The following CDH13 variants were observed in gnomAD, a reference collection of about 807,000 sequenced individuals.
CDH13 encodes cadherin-13.
In CDH13, 24 loss-of-function variants were observed where a neutral mutation model predicts 63.8. The observed-to-expected ratio is 0.38, with a 90% confidence interval of 0.27 to 0.53. The LOEUF (loss-of-function observed/expected upper bound fraction) is 0.53. Ranked by LOEUF, CDH13 falls within the 20% of genes least tolerant of loss-of-function variation. CDH13 has a pLI of 0.85. For synonymous variants in CDH13, 503 were observed against 355.3 expected (o/e 1.42, Z -4.67); for missense variants, 1,049 against 903.1 (o/e 1.16, Z -2.07).
intron 6 of CDH13, among the ~76,000 whole-genome samples, chr16:83,448,092 C>G (rs528076134): frequency 6.6e-6 from 1 of 152,168 alleles, no homozygotes; most frequent in East Asian, 1.9e-4. Context: ...TGGTCCCCAT[C>G]TTTTATTTTA....
intron 3 of CDH13, among the ~76,000 whole-genome samples, chr16:83,072,845 C>G (rs149792304): frequency 1.4e-3 from 214 of 152,268 alleles, no homozygotes; most frequent in African/African-American, 4.9e-3. Context: ...ACAAGATCCC[C>G]TACATTGGAG....
At chr16:83,441,394 C>G (rs750462728) in intron 6 of CDH13, among the ~76,000 whole-genome samples, 1 of 152,174 alleles carries the variant, frequency 6.6e-6, no homozygotes, top group Admixed American at 6.5e-5. Context: ...TAATCTATAT[C>G]TATGTTAAAT....
Position 83,353,669 on chromosome 16 carries a change from C to G in CDH13, c.781+8663C>G, listed in dbSNP as rs13380705. On this transcript the variant is annotated intron_variant, in intron 6 of 13. Transcript: ENST00000567109. The stretch of plus-strand genomic sequence containing the variant: ...GGAGATCAGCTCAAGAGATGGACAC[C>G]CCATTGTTTCCTGAAACACTCTCCT... Among the ~76,000 whole-genome samples, 424 of 152,322 alleles carry G rather than the reference C, an allele frequency of 2.8e-3. 1 individual carries two copies. Among genetic ancestry groups the G allele is most frequent in the African/African-American group, 9.5e-3 (396 of 41,564 alleles).
At chr16:82,787,944 C>T (rs191612028) in intron 1 of CDH13, among the ~76,000 whole-genome samples, 30 of 148,832 alleles carry the variant, frequency 2.0e-4, no homozygotes, top group Admixed American at 1.0e-3. Flanking sequence ...GCTGTACCTA[C>T]GATACAGTAA....
intron 6 of CDH13, among the ~76,000 whole-genome samples, chr16:83,409,550 G>C (rs1362645470): frequency 6.6e-6 from 1 of 152,228 alleles, no homozygotes; most frequent in Non-Finnish European, 1.5e-5. Flanking sequence ...TCAGACCTCT[G>C]TCAATACTGG....
chr16:83,543,058 A>G (rs2075322789), intron 7 of CDH13, among the ~76,000 whole-genome samples: 1 of 152,260 alleles, frequency 6.6e-6, no homozygotes, highest in Admixed American at 6.5e-5. Flanking sequence ...AAGTGCAAAG[A>G]CAACATTCCT....
intron 5 of CDH13, among the ~76,000 whole-genome samples, chr16:83,219,985 C>A (rs950667446): frequency 3.9e-5 from 6 of 152,136 alleles, no homozygotes; most frequent in Non-Finnish European, 7.3e-5. Context: ...GGGTCATATA[C>A]CCTCATTGGA....
rs1029235753 is a variant in CDH13, at chr16:83,748,032, T to C, written c.1539-76T>C. ...AGGATCCAGCACCTAGCCTAGGAGC[T>C]CATGCCCTGCACTCTGTAAATGTTT... is the stretch of plus-strand genomic sequence containing the variant. On this transcript the variant is annotated intron_variant, in intron 10 of 13. Transcript: ENST00000567109. 24 of 1,510,066 alleles carry C rather than the reference T, an allele frequency of 1.6e-5. No homozygotes were observed. In the Admixed American group the frequency reaches 2.8e-4, roughly 18 times the overall value. The allele number at this position is 1,510,066 out of a possible 1,614,324, so 93.5% of individuals were successfully genotyped here.
At chr16:82,796,521 A>G (rs1189375729) in intron 1 of CDH13, among the ~76,000 whole-genome samples, 1 of 152,240 alleles carries the variant, frequency 6.6e-6, no homozygotes, top group East Asian at 1.9e-4. Flanking sequence ...TTTACATTCT[A>G]AAGGGCACAG....
chr16:83,781,095 G>A (rs954149805), intron 12 of CDH13, among the ~76,000 whole-genome samples: 1 of 151,924 alleles, frequency 6.6e-6, no homozygotes, highest in Non-Finnish European at 1.5e-5. Flanking sequence ...CTTCTTCCAT[G>A]CATCTTCTTT....
chr16:83,087,164 A>C (rs532773383), intron 3 of CDH13, among the ~76,000 whole-genome samples: 1 of 152,342 alleles, frequency 6.6e-6, no homozygotes, highest in South Asian at 2.1e-4. Flanking sequence ...TAATTCCAGC[A>C]AAGTAAAATT....
At position 83,017,306 on chromosome 16, in the gene CDH13, C is replaced by T. The variant is rs115925094; in HGVS notation, c.158-14704C>T. Among the ~76,000 whole-genome samples, 472 of 152,312 alleles carry T rather than the reference C, an allele frequency of 3.1e-3. 2 individuals carry two copies. Among genetic ancestry groups the T allele is most frequent in the African/African-American group, 0.011 (453 of 41,570 alleles). On this transcript the variant is annotated intron_variant, in intron 2 of 13. Transcript: ENST00000567109. ...TTTAATTACTGACTTCAAGATTCTA[C>T]TCAATTCCATTTTGACACCTTTTTT...
chr16:83,587,544 C>T lies in CDH13; in HGVS notation c.961-14910C>T, dbSNP rs556722711. Among the ~76,000 whole-genome samples the T allele has an allele frequency of 2.0e-5, 3 of 152,258 alleles. No homozygotes were observed. The East Asian group carries it at 5.8e-4, about 29-fold the overall frequency. The stretch of plus-strand genomic sequence containing the variant: ...TTTTAGCCTGACCTTAAAAGCATTA[C>T]CTTCTGCTGCGTGATTAGAAAACAT... On this transcript the variant is annotated intron_variant, in intron 7 of 13. Coordinates refer to ENST00000567109, the MANE Select transcript of CDH13 (RefSeq NM_001257.5).
chr16:82,644,365 A>AC lies in CDH13; in HGVS notation c.45+17234dup, dbSNP rs998114772. 7.3e-5 allele frequency among the ~76,000 whole-genome samples: 11 copies of AC among 150,776 alleles called. No individual in the cohort carries two copies. Among genetic ancestry groups the AC allele is most frequent in the South Asian group, 6.4e-4 (3 of 4,704 alleles). ...TGCGTCTCCCTCTGTGCTCTCCATC[A>AC]CCCCCCTACGGAGTTCCTTTGATTC... is the stretch of plus-strand genomic sequence containing the variant. On this transcript the variant is annotated intron_variant, in intron 1 of 13. Transcript: ENST00000567109. This position sits in a 1 kb window ranked among gnomAD's most constrained non-coding sequence, Gnocchi z 5.7.
chr16:83,265,727 CTTTTTTTTTTT>C (rs71272416), intron 5 of CDH13, among the ~76,000 whole-genome samples: 16 of 42,542 alleles, frequency 3.8e-4, no homozygotes, highest in Admixed American at 1.3e-3. Context: ...TAAATTTCTG[CTTTTTTTTTTT>C]TTTTTTTTTT....
chr16:83,041,082 AC>A (rs1917292802), intron 3 of CDH13, among the ~76,000 whole-genome samples: 1 of 152,138 alleles, frequency 6.6e-6, no homozygotes. Context: ...ACTCCAAAAG[AC>A]CTGGCAGTAT....
intron 1 of CDH13, among the ~76,000 whole-genome samples, chr16:82,682,679 G>A (rs1342061261): frequency 2.0e-5 from 3 of 152,190 alleles, no homozygotes; most frequent in African/African-American, 4.8e-5. Flanking sequence ...CAAGGAGCAA[G>A]GTTGTATTCT....
At chr16:83,165,376 A>G (rs2037621978) in intron 4 of CDH13, among the ~76,000 whole-genome samples, 1 of 152,158 alleles carries the variant, frequency 6.6e-6, no homozygotes, top group African/African-American at 2.4e-5. Context: ...TTGTAGCAAG[A>G]GGCTGGTTGT....
chr16:83,291,089 C>T (rs956176573), intron 5 of CDH13, among the ~76,000 whole-genome samples: 13 of 152,220 alleles, frequency 8.5e-5, no homozygotes, highest in East Asian at 1.9e-4. Flanking sequence ...TGAGACTACC[C>T]GTTGTTCAAA....
Sources: gnomAD v4.1 joint callset for allele counts (sites outside exome capture counted in the v4.1 genomes callset) on GRCh38, gnomAD v4.1.1 for gene constraint, Gnocchi (gnomAD v3.1) non-coding constraint, MANE v1.5 for transcripts, NCBI Gene and HGNC (gene_info 2026-07-23, HGNC 2026-07-21) for gene names.